The following GNAQ variants were observed in gnomAD, a reference collection of about 807,000 sequenced individuals.
GNAQ encodes G protein subunit alpha q.
In GNAQ, 8 loss-of-function variants were observed where a neutral mutation model predicts 43.9. The observed-to-expected ratio is 0.18, with a 90% CI of 0.11 to 0.33. The LOEUF is 0.33. Among genes scored for constraint, GNAQ ranks in the 10% least tolerant of loss-of-function variants. GNAQ has a pLI of 1.00. For synonymous variants in GNAQ, 155 were observed against 170.7 expected, an observed-to-expected ratio of 0.91 and a Z score of 0.71; for missense variants, 158 against 450.8, an observed-to-expected ratio of 0.35 and a Z score of 5.88.
intron 1 of GNAQ, among the ~76,000 whole-genome samples, chr9:78,027,913 T>C (rs938820850): frequency 6.6e-6 from 1 of 152,016 alleles, no homozygotes; most frequent in Non-Finnish European, 1.5e-5. Context: ...AGGAAAAAAA[T>C]GTTTCTTCTA....
chr9:77,888,264 T>C (rs1244527258), intron 2 of GNAQ, among the ~76,000 whole-genome samples: 1 of 152,220 alleles, frequency 6.6e-6, no homozygotes, highest in Non-Finnish European at 1.5e-5. Flanking sequence ...TTTTTAAGTA[T>C]ATAAAGAGGT....
chr9:77,889,410 CAAAAAAAAAAAAAAAAAAAAAA>C (rs58496646), intron 2 of GNAQ, among the ~76,000 whole-genome samples: 49 of 48,066 alleles, frequency 1.0e-3, no homozygotes, highest in East Asian at 4.4e-3. Flanking sequence ...GACCCTGTCT[CAAAAAAAAAAAAAAAAAAAAAA>C]AAAAAAAAAA....
At position 77,721,431 on chromosome 9, in the gene GNAQ, G is replaced by C. The variant is rs1297612239; in HGVS notation, c.972C>G (p.Ile324Met). 6.2e-7 allele frequency: 1 copy of C among 1,612,534 alleles called. No individual in the cohort carries two copies. ...VDLNPDSDKI[I>M]YSHFTCATDT... ...CTGTGGCGCACGTGAAGTGGGAGTA[G>C]ATAATTTTGTCACTGTCTGGGTTCA... The change falls in exon 7 of 7, where the codon ATC becomes ATG. Residue 324 changes from isoleucine (I) to methionine (M), a missense_variant. Coordinates refer to ENST00000286548, the MANE Select transcript of GNAQ (RefSeq NM_002072.5).
At chr9:77,911,326 T>C (rs1402520816) in intron 2 of GNAQ, among the ~76,000 whole-genome samples, 1 of 152,180 alleles carries the variant, frequency 6.6e-6, no homozygotes, top group Admixed American at 6.5e-5. Flanking sequence ...CAATGTAGTG[T>C]CCAAAGGTCA....
chr9:77,922,473 T>G (rs931570576), intron 1 of GNAQ, 128 bp from the exon 2 acceptor site: 3 of 660,342 alleles, frequency 4.5e-6, no homozygotes, highest in Non-Finnish European at 8.0e-6. Context: ...ACTCTAGAAT[T>G]GGAAACACTA....
chr9:77,974,747 A>G (rs947419452), intron 1 of GNAQ, among the ~76,000 whole-genome samples: 1 of 152,204 alleles, frequency 6.6e-6, no homozygotes, highest in African/African-American at 2.4e-5. Context: ...AAAATATGCA[A>G]AGGATGGCTC....
At chr9:77,788,430 T>C (rs1232765354) in intron 5 of GNAQ, among the ~76,000 whole-genome samples, 1 of 152,186 alleles carries the variant, frequency 6.6e-6, no homozygotes, top group Admixed American at 6.5e-5. Flanking sequence ...TTTAATAAAA[T>C]GTATAATCAT....
chr9:77,934,093 A>G (rs564814618), intron 1 of GNAQ, among the ~76,000 whole-genome samples: 1 of 152,320 alleles, frequency 6.6e-6, no homozygotes, highest in African/African-American at 2.4e-5. Flanking sequence ...ATATTCATCA[A>G]GAGATCAGCT....
At chr9:77,810,861 G>C (rs1452152054) in intron 3 of GNAQ, among the ~76,000 whole-genome samples, 1 of 152,234 alleles carries the variant, frequency 6.6e-6, no homozygotes, top group Non-Finnish European at 1.5e-5. Context: ...TGTTAAGATA[G>C]AAGACATAGT....
At chr9:77,780,868 T>G (rs975457459) in intron 5 of GNAQ, among the ~76,000 whole-genome samples, 2 of 152,036 alleles carry the variant, frequency 1.3e-5, no homozygotes, top group Non-Finnish European at 2.9e-5. Flanking sequence ...ATTAGTAATG[T>G]TGAGTACCTT....
chr9:77,945,829 C>T (rs755703715), intron 1 of GNAQ, among the ~76,000 whole-genome samples: 56 of 152,068 alleles, frequency 3.7e-4, no homozygotes, highest in Admixed American at 2.4e-3. Context: ...CCTTAGAGGC[C>T]GCATCTAAAG....
At chr9:77,910,517 A>C (rs1004547712) in intron 2 of GNAQ, among the ~76,000 whole-genome samples, 1 of 152,194 alleles carries the variant, frequency 6.6e-6, no homozygotes, top group Non-Finnish European at 1.5e-5. Context: ...GGTGGCTGTC[A>C]ATTCCTGGTC....
chr9:77,718,590 G>A lies in GNAQ; in HGVS notation c.*2733C>T. 4.3e-6 allele frequency: 1 copy of A among 232,802 alleles called. No individual in the cohort carries two copies. The allele number at this position is 232,802 out of a possible 1,614,324, so 14.4% of individuals were successfully genotyped here. On this transcript the variant is annotated 3_prime_UTR_variant, in exon 7 of 7. Coordinates refer to ENST00000286548, the MANE Select transcript of GNAQ (RefSeq NM_002072.5). ...GTTTTGCTCAGCTTCTTCAAGCTTTGAGATCAGGTTTAATTGACTACATTT... is the reference window on the plus strand; with the variant it reads ...GTTTTGCTCAGCTTCTTCAAGCTTTAAGATCAGGTTTAATTGACTACATTT...
At chr9:77,803,180 G>A (rs1384153102) in intron 3 of GNAQ, among the ~76,000 whole-genome samples, 1 of 152,112 alleles carries the variant, frequency 6.6e-6, no homozygotes, top group East Asian at 1.9e-4. Context: ...CCATCCTTAC[G>A]AAATTACTTC....
At chr9:78,025,998 CTG>C (rs900004745) in intron 1 of GNAQ, among the ~76,000 whole-genome samples, 34 of 152,148 alleles carry the variant, frequency 2.2e-4, no homozygotes, top group African/African-American at 8.0e-4. Flanking sequence ...AAAATCGTAA[CTG>C]TTTTTAATAG....
intron 2 of GNAQ, among the ~76,000 whole-genome samples, chr9:77,870,089 T>C: frequency 6.6e-6 from 1 of 152,182 alleles, no homozygotes; most frequent in East Asian, 1.9e-4. Context: ...ATCACCTGGT[T>C]CTTTTAAATA....
intron 2 of GNAQ, among the ~76,000 whole-genome samples, chr9:77,819,511 C>G (rs1308066714): frequency 6.6e-6 from 1 of 152,100 alleles, no homozygotes; most frequent in Admixed American, 6.6e-5. Context: ...ACTGGAATGT[C>G]ACACCTACCC....
intron 2 of GNAQ, among the ~76,000 whole-genome samples, chr9:77,854,923 C>T (rs1827728256): frequency 6.6e-6 from 1 of 152,132 alleles, no homozygotes; most frequent in Admixed American, 6.6e-5. Flanking sequence ...CTTACATTTT[C>T]AAAGAACAAA....
chr9:78,016,304 T>A (rs868008212), intron 1 of GNAQ, among the ~76,000 whole-genome samples: 31 of 152,216 alleles, frequency 2.0e-4, no homozygotes, highest in African/African-American at 7.5e-4. Context: ...TATCATTTAA[T>A]CTTATCAGTT....
Sources: gnomAD v4.1 joint callset for allele counts (sites outside exome capture counted in the v4.1 genomes callset) on GRCh38, gnomAD v4.1.1 for gene constraint, MANE v1.5 for transcripts, NCBI Gene and HGNC (gene_info 2026-07-23, HGNC 2026-07-21) for gene names.